AMZ2: variants seen among roughly 807,000 people sequenced by gnomAD.
The protein encoded by AMZ2 is archaelysin family metallopeptidase 2, also known as archaemetzincin-2.
In AMZ2, 26 loss-of-function variants were observed where a neutral mutation model predicts 36.7. The ratio of observed to expected loss-of-function variants is 0.71; its 90% CI spans 0.52 to 0.98. The LOEUF (loss-of-function observed/expected upper bound fraction) is 0.98, where lower values mean the gene tolerates loss of function less well. Ranked by LOEUF, AMZ2 falls within the 50% of genes least tolerant of loss-of-function variation. AMZ2 has a pLI of 0.00. For missense variants in AMZ2, 394 were observed against 430.5 expected (o/e 0.92, Z 0.75); for synonymous variants, 144 against 149.1 (o/e 0.97, Z 0.25).
At chr17:68,236,289 A>G (rs2073784940) in intron 1 of AMZ2, among the ~76,000 whole-genome samples, 1 of 152,142 alleles carries the variant, frequency 6.6e-6, no homozygotes, top group Non-Finnish European at 1.5e-5. Context: ...TGTGTTTATA[A>G]ACACTTAAAC....
chr17:68,208,766 C>G (rs570937666), intron 1 of AMZ2, among the ~76,000 whole-genome samples: 1 of 152,288 alleles, frequency 6.6e-6, no homozygotes, highest in African/African-American at 2.4e-5. Context: ...AGCGAGACCA[C>G]GAACCAACCA....
intron 1 of AMZ2, among the ~76,000 whole-genome samples, chr17:68,226,225 G>A (rs1282697460): frequency 1.1e-4 from 17 of 152,102 alleles, no homozygotes; most frequent in South Asian, 4.1e-4. Flanking sequence ...GAATCTGAAC[G>A]AAAAGATGCC....
rs145685949 is a variant in AMZ2, at chr17:68,217,810, A to AT, written c.-67+11592dup. ...GTTAGTGAAGCATATAATAAAAAAG[A>AT]TTTTTTTTTTTTTTTTTTTTGAGAT... On this transcript the variant is annotated intron_variant, in intron 1 of 7. Transcript: ENST00000674770. Among the ~76,000 whole-genome samples the AT allele has an allele frequency of 5.3e-3, 721 of 136,348 alleles. 8 individuals are homozygous for AT. Among genetic ancestry groups the AT allele is most frequent in the Non-Finnish European group, 5.9e-3 (381 of 64,326 alleles). The allele number at this position is 136,348 out of a possible 152,430, so 89.4% of individuals were successfully genotyped here. A position where few individuals can be genotyped will look rare whatever the true frequency, so the allele number is the denominator to read the frequency against.
chr17:68,224,975 C>T (rs1288529571), intron 1 of AMZ2, among the ~76,000 whole-genome samples: 2 of 150,148 alleles, frequency 1.3e-5, no homozygotes, highest in Admixed American at 6.7e-5. Context: ...GTCGGGAGTT[C>T]GAGACCAGCC....
intron 6 of AMZ2, 133 bp from the exon 7 acceptor site, chr17:68,256,681 A>T: frequency 1.2e-6 from 1 of 831,704 alleles, no homozygotes; most frequent in Non-Finnish European, 1.8e-6. Flanking sequence ...TTTCATATTC[A>T]CACCATCATT....
chr17:68,224,458 C>T (rs1246184140), intron 1 of AMZ2, among the ~76,000 whole-genome samples: 1 of 152,124 alleles, frequency 6.6e-6, no homozygotes, highest in Non-Finnish European at 1.5e-5. Context: ...ACCTATAACA[C>T]CTATGCGGCA....
In AMZ2 at chr17:68,256,835, G is replaced by T. The variant is rs1280672849; in HGVS notation, c.949G>T (p.Asp317Tyr). ...CCAGGCACTGGTGAGGTGGATTGAT[G>T]ATGAATCTTCTGACACACCTGGAGC... ...RYKALVRWID[D>Y]ESSDTPGATP... Residue 317 changes from aspartate (D) to tyrosine (Y), a missense_variant, in exon 7 of 7, where the codon GAT becomes TAT. Physicochemically the swap from Asp to Tyr is radical, Grantham distance 160 (BLOSUM62 -3). Transcript: ENST00000359904. 2.5e-6 allele frequency: 4 copies of T among 1,613,332 alleles called. No homozygotes were observed. The highest frequency in any genetic ancestry group is 3.4e-6 in the Non-Finnish European group (4 of 1,179,758).
upstream of AMZ2, chr17:68,247,562 G>C: frequency 1.1e-6 from 1 of 921,862 alleles, no homozygotes; most frequent in African/African-American, 1.8e-5. Context: ...TCCAGCCCCC[G>C]CGGCCCCCAA....
chr17:68,228,019 G>C (rs7214223), intron 1 of AMZ2, among the ~76,000 whole-genome samples: 1 of 152,068 alleles, frequency 6.6e-6, no homozygotes, highest in South Asian at 2.1e-4. Context: ...ACCCAGCTGC[G>C]GGGGACATGT....
intron 1 of AMZ2, among the ~76,000 whole-genome samples, chr17:68,218,037 C>T (rs781491929): frequency 2.0e-5 from 3 of 152,112 alleles, no homozygotes; most frequent in Non-Finnish European, 4.4e-5. Flanking sequence ...TGGTCTCGAT[C>T]TCCTGACCTC....
chr17:68,256,009 G>A (rs1239716216), intron 6 of AMZ2, 133 bp downstream of exon 6: 11 of 1,021,886 alleles, frequency 1.1e-5, no homozygotes, highest in East Asian at 8.0e-5. Flanking sequence ...AGGAAGCTGC[G>A]GTTTAAAAAT....
At chr17:68,231,028 CATTTTA>C (rs2073649122) in intron 1 of AMZ2, among the ~76,000 whole-genome samples, 1 of 151,780 alleles carries the variant, frequency 6.6e-6, no homozygotes, top group African/African-American at 2.4e-5. Context: ...GTATTTTTTA[CATTTTA>C]ATTTTATTAT....
chr17:68,229,877 G>A (rs1179088443), intron 1 of AMZ2, among the ~76,000 whole-genome samples: 2 of 152,102 alleles, frequency 1.3e-5, no homozygotes, highest in African/African-American at 2.4e-5. Context: ...TGAGCTTCTC[G>A]TTCTCCTCCA....
intron 1 of AMZ2, among the ~76,000 whole-genome samples, chr17:68,218,596 C>T (rs1188973160): frequency 1.3e-4 from 20 of 152,226 alleles, no homozygotes; most frequent in African/African-American, 4.8e-4. Context: ...CTACAAGCCA[C>T]ATGTGAGCTT....
chr17:68,217,107 C>G (rs1258004714), intron 1 of AMZ2, among the ~76,000 whole-genome samples: 11 of 151,524 alleles, frequency 7.3e-5, no homozygotes, highest in African/African-American at 2.4e-4. Flanking sequence ...AGTGGCCTTT[C>G]AGAAAAGTTC....
chr17:68,233,525 AAAAG>A (rs1224161418), intron 1 of AMZ2, among the ~76,000 whole-genome samples: 69 of 107,542 alleles, frequency 6.4e-4, no homozygotes, highest in African/African-American at 2.3e-3. Flanking sequence ...AAAAAAAAAA[AAAAG>A]AGAGAAATTG....
At chr17:68,221,676 C>T (rs1451247177) in intron 1 of AMZ2, among the ~76,000 whole-genome samples, 10 of 150,940 alleles carry the variant, frequency 6.6e-5, no homozygotes, top group Non-Finnish European at 1.0e-4. Flanking sequence ...TGCAGTGAGC[C>T]GAGATCACAC....
chr17:68,207,750 C>G (rs1418310104), intron 1 of AMZ2, among the ~76,000 whole-genome samples: 4 of 152,254 alleles, frequency 2.6e-5, no homozygotes, highest in Non-Finnish European at 5.9e-5. Flanking sequence ...GGCGCCCACT[C>G]TGGGCGCGCT....
intron 1 of AMZ2, among the ~76,000 whole-genome samples, chr17:68,231,043 AT>A (rs1412783243): frequency 1.3e-5 from 2 of 151,500 alleles, no homozygotes; most frequent in Admixed American, 6.6e-5. Flanking sequence ...TAATTTTATT[AT>A]TTTTTTATTT....
Sources: allele counts gnomAD v4.1 joint callset (sites outside exome capture counted in the v4.1 genomes callset), GRCh38; gene constraint gnomAD v4.1.1; transcripts MANE v1.5; gene names NCBI Gene and HGNC (gene_info 2026-07-23, HGNC 2026-07-21).